MCHR2: variants seen among roughly 807,000 people sequenced by gnomAD.
MCHR2 encodes the protein melanin concentrating hormone receptor 2, also known as melanin-concentrating hormone receptor 2.
MCHR2 carries 15 observed loss-of-function variants against 24.8 expected under a neutral mutation model. That is an observed-to-expected ratio of 0.60 (90% CI 0.40 to 0.93). The LOEUF (loss-of-function observed/expected upper bound fraction) is 0.93, where lower values mean the gene tolerates loss of function less well. Among genes scored for constraint, MCHR2 ranks in the 40% least tolerant of loss-of-function variants. The probability of loss-of-function intolerance (pLI) is 0.00; values close to 1 mark genes in which losing one functional copy is unlikely to be tolerated. For synonymous variants in MCHR2, 151 were observed against 147.6 expected (o/e 1.02, Z -0.17); for missense variants, 386 against 408.7 (o/e 0.94, Z 0.48).
chr6:99,935,108 C>T (rs1358573658), intron 4 of MCHR2, among the ~76,000 whole-genome samples: 1 of 151,968 alleles, frequency 6.6e-6, no homozygotes, highest in Admixed American at 6.6e-5. Context: ...TATATCATTT[C>T]AGAGTATATG....
chr6:99,978,420 GT>G (rs3996890), intron 1 of MCHR2, among the ~76,000 whole-genome samples: 7 of 104,192 alleles, frequency 6.7e-5, no homozygotes, highest in South Asian at 3.3e-4. Flanking sequence ...GGTCAAGACA[GT>G]TTTTTTTTTT....
At chr6:99,975,351 G>A (rs1001655977) in intron 1 of MCHR2, among the ~76,000 whole-genome samples, 12 of 152,280 alleles carry the variant, frequency 7.9e-5, no homozygotes, top group Admixed American at 2.0e-4. Flanking sequence ...GCGAGACTCC[G>A]TGGCCGTAGG....
chr6:99,963,917 A>G (rs1306929908), intron 1 of MCHR2, among the ~76,000 whole-genome samples: 3 of 152,134 alleles, frequency 2.0e-5, no homozygotes, highest in Non-Finnish European at 4.4e-5. Flanking sequence ...TATATAAACT[A>G]TCTATACAAA....
At chr6:99,987,817 G>A (rs1434966985) in intron 1 of MCHR2, among the ~76,000 whole-genome samples, 1 of 152,020 alleles carries the variant, frequency 6.6e-6, no homozygotes, top group East Asian at 1.9e-4. Flanking sequence ...AATAAACACT[G>A]TTTTAAAATT....
Position 99,948,118 on chromosome 6 carries a change from C to T in MCHR2, c.183-147G>A, listed in dbSNP as rs1037484758. On this transcript the variant is annotated intron_variant, in intron 2 of 5. Coordinates refer to ENST00000281806, the MANE Select transcript of MCHR2 (RefSeq NM_001040179.2). ...CAGATGCATAGAGGAAATGCCTAGTCTTGTGTGTATTTAAGCATTTTGAAC... is the reference window on the plus strand; with the variant it reads ...CAGATGCATAGAGGAAATGCCTAGTTTTGTGTGTATTTAAGCATTTTGAAC... The T allele has an allele frequency of 1.9e-4, 125 of 659,114 alleles. 1 individual carries two copies. Among genetic ancestry groups the T allele is most frequent in the Middle Eastern group, 4.1e-4 (1 of 2,430 alleles). 40.8% of individuals were successfully genotyped at this position (659,114 alleles called of 1,614,324 possible).
intron 2 of MCHR2, among the ~76,000 whole-genome samples, chr6:99,952,296 G>A (rs566324021): frequency 1.3e-5 from 2 of 152,008 alleles, no homozygotes; most frequent in Non-Finnish European, 2.9e-5. Flanking sequence ...TAATGCACAA[G>A]TTGTTTCTTG....
chr6:99,944,936 C>G (rs1774847240), intron 3 of MCHR2, among the ~76,000 whole-genome samples: 1 of 152,156 alleles, frequency 6.6e-6, no homozygotes, highest in Admixed American at 6.5e-5. Context: ...TAGGCACTTG[C>G]TGCTCTACCT....
At chr6:99,977,623 C>T (rs1230745115) in intron 1 of MCHR2, among the ~76,000 whole-genome samples, 1 of 151,804 alleles carries the variant, frequency 6.6e-6, no homozygotes, top group Non-Finnish European at 1.5e-5. Flanking sequence ...ATTTTTTTTC[C>T]CTTCTGAATT....
chr6:99,975,028 A>G (rs1414634556), intron 1 of MCHR2, among the ~76,000 whole-genome samples: 1 of 152,172 alleles, frequency 6.6e-6, no homozygotes, highest in Non-Finnish European at 1.5e-5. Flanking sequence ...TCAGGGACCC[A>G]CTTGAGGAGG....
intron 1 of MCHR2, among the ~76,000 whole-genome samples, chr6:99,972,624 T>C (rs1168792359): frequency 1.3e-5 from 2 of 152,202 alleles, no homozygotes; most frequent in Non-Finnish European, 1.5e-5. Flanking sequence ...TGTTTGCTCT[T>C]GCTTTTCTAG....
chr6:99,969,699 C>CTAATGT (rs1200892717), intron 1 of MCHR2, among the ~76,000 whole-genome samples: 1 of 140,392 alleles, frequency 7.1e-6, no homozygotes, highest in African/African-American at 2.6e-5. Flanking sequence ...GGTATATCTC[C>CTAATGT]TATCCCTCCC....
At chr6:99,975,489 A>G (rs1034494078) in intron 1 of MCHR2, among the ~76,000 whole-genome samples, 1 of 152,192 alleles carries the variant, frequency 6.6e-6, no homozygotes, top group Non-Finnish European at 1.5e-5. Context: ...TTCTTTGACT[A>G]GGAAAGGGAA....
intron 4 of MCHR2, among the ~76,000 whole-genome samples, chr6:99,938,732 G>A (rs752395640): frequency 5.9e-5 from 9 of 152,090 alleles, no homozygotes; most frequent in Non-Finnish European, 1.2e-4. Flanking sequence ...TAATTCTGCC[G>A]TTTCTTTGTT....
At chr6:99,990,908 G>A (rs968181037) in intron 1 of MCHR2, among the ~76,000 whole-genome samples, 2 of 147,616 alleles carry the variant, frequency 1.4e-5, no homozygotes, top group Non-Finnish European at 3.0e-5. Context: ...CCAGGCCCTC[G>A]GTTCTTCAGA....
intron 3 of MCHR2, among the ~76,000 whole-genome samples, chr6:99,944,470 T>C (rs2114523949): frequency 6.6e-6 from 1 of 152,278 alleles, no homozygotes; most frequent in Middle Eastern, 3.4e-3. Flanking sequence ...CTCACAAAAA[T>C]AACAAATTTC....
chr6:99,969,014 A>G (rs1219217704), intron 1 of MCHR2, among the ~76,000 whole-genome samples: 3 of 152,312 alleles, frequency 2.0e-5, no homozygotes, highest in African/African-American at 4.8e-5. Context: ...ACTTAAGTGC[A>G]TTTATTATAA....
At chr6:99,981,170 T>C (rs535705690) in intron 1 of MCHR2, among the ~76,000 whole-genome samples, 1 of 152,338 alleles carries the variant, frequency 6.6e-6, no homozygotes, top group African/African-American at 2.4e-5. Flanking sequence ...GTTACTATTT[T>C]CACTTTAAAA....
intron 1 of MCHR2, among the ~76,000 whole-genome samples, chr6:99,973,130 G>T (rs1283330590): frequency 1.3e-5 from 2 of 151,816 alleles, no homozygotes; most frequent in East Asian, 3.9e-4. Flanking sequence ...TTGACTTTCT[G>T]TCTCGTTGAT....
chr6:99,970,901 G>A (rs1226296994), intron 1 of MCHR2, among the ~76,000 whole-genome samples: 3 of 152,116 alleles, frequency 2.0e-5, no homozygotes, highest in Admixed American at 6.5e-5. Flanking sequence ...TGAGGGCTCT[G>A]TTCTGTTCCA....
Sources: gnomAD v4.1 joint callset for allele counts (sites outside exome capture counted in the v4.1 genomes callset) on GRCh38, gnomAD v4.1.1 for gene constraint, MANE v1.5 for transcripts, NCBI Gene and HGNC (gene_info 2026-07-23, HGNC 2026-07-21) for gene names.